POU6F2: variants seen among roughly 807,000 people sequenced by gnomAD.
POU6F2 encodes POU domain, class 6, transcription factor 2.
Under a neutral mutation model 71.3 loss-of-function variants are expected in POU6F2, and 31 were observed. The ratio of observed to expected loss-of-function variants is 0.43; its 90% confidence interval spans 0.33 to 0.59. The LOEUF is 0.59. POU6F2 is among the 20% of genes least tolerant of loss of function. The pLI, the probability that POU6F2 is intolerant of heterozygous loss-of-function variation, is 0.04. For missense variants in POU6F2, 783 were observed against 856.8 expected, an observed-to-expected ratio of 0.91 and a Z score of 1.07; for synonymous variants, 347 against 355.7, an observed-to-expected ratio of 0.98 and a Z score of 0.27.
At chr7:39,043,168 T>G (rs868416816) in intron 1 of POU6F2, among the ~76,000 whole-genome samples, 159 of 152,104 alleles carry the variant, frequency 1.0e-3, no homozygotes, top group African/African-American at 3.6e-3. Context: ...CATGCTATAT[T>G]TTGCACATTA....
At chr7:39,426,341 T>G (rs1787971168) in intron 6 of POU6F2, among the ~76,000 whole-genome samples, 1 of 152,200 alleles carries the variant, frequency 6.6e-6, no homozygotes, top group Non-Finnish European at 1.5e-5. Flanking sequence ...AGCTGCCCCT[T>G]TCCTGCTCAG....
chr7:39,228,176 C>T (rs1794507261), intron 4 of POU6F2, among the ~76,000 whole-genome samples: 1 of 152,148 alleles, frequency 6.6e-6, no homozygotes, highest in African/African-American at 2.4e-5. Context: ...TATTTAATTG[C>T]ATTTTCAAAT....
At chr7:39,126,252 T>C (rs999994061) in intron 2 of POU6F2, among the ~76,000 whole-genome samples, 1 of 152,158 alleles carries the variant, frequency 6.6e-6, no homozygotes, top group Non-Finnish European at 1.5e-5. Flanking sequence ...TCATCTCATA[T>C]CCAGGGGGAT....
At chr7:39,019,900 G>T (rs749619496) in intron 1 of POU6F2, among the ~76,000 whole-genome samples, 1 of 152,062 alleles carries the variant, frequency 6.6e-6, no homozygotes, top group Non-Finnish European at 1.5e-5. Flanking sequence ...GAGAATCAAT[G>T]TATTCCTTTT....
At chr7:39,321,902 G>A (rs1201801809) in intron 4 of POU6F2, among the ~76,000 whole-genome samples, 1 of 151,814 alleles carries the variant, frequency 6.6e-6, no homozygotes, top group Non-Finnish European at 1.5e-5. Flanking sequence ...TAGAGAGAGA[G>A]AGACAGAGAG....
chr7:39,100,345 T>C (rs1791543350), intron 2 of POU6F2, among the ~76,000 whole-genome samples: 1 of 152,212 alleles, frequency 6.6e-6, no homozygotes. Flanking sequence ...GGAAGAAACA[T>C]GTTATAACCT....
intron 1 of POU6F2, among the ~76,000 whole-genome samples, chr7:39,059,395 T>C (rs1447142420): frequency 1.3e-5 from 2 of 152,020 alleles, no homozygotes; most frequent in Non-Finnish European, 2.9e-5. Flanking sequence ...GCATGTGATA[T>C]TTAAAGTGAG....
chr7:39,018,906 A>G (rs1395243033), intron 1 of POU6F2, among the ~76,000 whole-genome samples: 2 of 152,144 alleles, frequency 1.3e-5, no homozygotes, highest in African/African-American at 4.8e-5. Context: ...CTTACTACCT[A>G]GAATTCATTT....
intron 4 of POU6F2, among the ~76,000 whole-genome samples, chr7:39,305,159 T>A (rs766936578): frequency 6.6e-6 from 1 of 152,258 alleles, no homozygotes; most frequent in African/African-American, 2.4e-5. Flanking sequence ...AGTGCTGAGA[T>A]AGGCTCTTTA....
intron 6 of POU6F2, among the ~76,000 whole-genome samples, chr7:39,432,568 G>C (rs1562550448): frequency 6.6e-6 from 1 of 152,126 alleles, no homozygotes; most frequent in Non-Finnish European, 1.5e-5. Context: ...AATCCTGCTG[G>C]GGGTATCGGG....
At chr7:39,006,826 T>C (rs1375896762) in intron 1 of POU6F2, 1 of 1,613,144 alleles carries the variant, frequency 6.2e-7, no homozygotes, top group Non-Finnish European at 8.5e-7. Flanking sequence ...AATGTTCTTA[T>C]AATGATCCAA....
chr7:39,305,824 G>T (rs544473787), intron 4 of POU6F2, among the ~76,000 whole-genome samples: 1 of 152,296 alleles, frequency 6.6e-6, no homozygotes, highest in African/African-American at 2.4e-5. Flanking sequence ...CTGATACTTT[G>T]AATTGTCATG....
chr7:39,413,962 G>A (rs1376383395), intron 6 of POU6F2, among the ~76,000 whole-genome samples: 1 of 152,104 alleles, frequency 6.6e-6, no homozygotes, highest in African/African-American at 2.4e-5. Flanking sequence ...CACAAACGAC[G>A]GTCCCCTGGT....
At chr7:39,178,569 T>G (rs984182501) in intron 2 of POU6F2, among the ~76,000 whole-genome samples, 3 of 152,202 alleles carry the variant, frequency 2.0e-5, no homozygotes, top group African/African-American at 7.2e-5. Flanking sequence ...TGTATTATTT[T>G]TAAATTTAAT....
intron 4 of POU6F2, among the ~76,000 whole-genome samples, chr7:39,312,681 A>G (rs965879416): frequency 2.0e-5 from 3 of 152,226 alleles, no homozygotes; most frequent in African/African-American, 7.2e-5. Flanking sequence ...AATGGCCAGC[A>G]TCACTACTCT....
At chr7:39,419,110 T>TACAC (rs1787780996) in intron 6 of POU6F2, among the ~76,000 whole-genome samples, 1 of 73,622 alleles carries the variant, frequency 1.4e-5, no homozygotes, top group Non-Finnish European at 2.7e-5. Flanking sequence ...TACACATATA[T>TACAC]ACGTATATAT....
At position 39,451,692 on chromosome 7, in the gene POU6F2, T is replaced by C. The variant is rs1303767204; in HGVS notation, c.1480T>C (p.Leu494=). 4.7e-5 allele frequency: 74 copies of C among 1,590,688 alleles called. No homozygotes were observed. The highest frequency in any genetic ancestry group is 6.2e-5 in the Non-Finnish European group (73 of 1,168,340). ...TTCTTCAGCTTTGAGCGTGGGCCAG[T>C]TAGTCAGCAGTAAGTATCCTTTCTG... The part of the protein sequence containing the change: ...SSSSALSVGQ[L]VSNPQTAAGE... The change falls in exon 8 of 10, where the codon TTA becomes CTA. Residue 494 remains leucine (L), a synonymous_variant. Transcript: ENST00000518318.
chr7:39,379,035 T>C (rs191137435), intron 5 of POU6F2, among the ~76,000 whole-genome samples: 1 of 152,164 alleles, frequency 6.6e-6, no homozygotes, highest in African/African-American at 2.4e-5. Context: ...GACAAGCAGA[T>C]GGATCCTCAA....
In POU6F2 at chr7:39,006,631, G is replaced by C. The variant is rs1022510485; in HGVS notation, c.105+28573G>C. 5 of 539,592 alleles carry C rather than the reference G, an allele frequency of 9.3e-6. No individual in the cohort carries two copies. In the African/African-American group the frequency reaches 9.5e-5, roughly 10 times the overall value. 33.4% of individuals were successfully genotyped at this position (539,592 alleles called of 1,614,324 possible). On this transcript the variant is annotated intron_variant, in intron 1 of 9. Transcript: ENST00000518318. ...AGCTCCACGGAAGATCTGTGGCTAA[G>C]TCAGAGTCAGAACCTAGTTGTTTAG...
Sources: gnomAD v4.1 joint callset for allele counts (sites outside exome capture counted in the v4.1 genomes callset) on GRCh38, gnomAD v4.1.1 for gene constraint, MANE v1.5 for transcripts, NCBI Gene and HGNC (gene_info 2026-07-23, HGNC 2026-07-21) for gene names.